ANKRD11: variants seen among roughly 807,000 people sequenced by gnomAD.
ANKRD11 encodes ankyrin repeat domain 11, also known as ankyrin repeat domain-containing protein 11.
ANKRD11 carries 17 observed loss-of-function variants against 195.7 expected under a neutral mutation model. The observed-to-expected ratio is 0.09, with a 90% CI of 0.06 to 0.13. The LOEUF is 0.13. ANKRD11 is among the 10% of genes least tolerant of loss of function. ANKRD11 has a pLI of 1.00. For synonymous variants in ANKRD11, 1,953 were observed against 1,528.1 expected (o/e 1.28, Z -6.49); for missense variants, 3,735 against 3,566.1 (o/e 1.05, Z -1.21).
chr16:89,322,870 A>G (rs764666441), intron 2 of ANKRD11, among the ~76,000 whole-genome samples: 1 of 152,024 alleles, frequency 6.6e-6, no homozygotes, highest in Non-Finnish European at 1.5e-5. Context: ...TGTTTGTTTG[A>G]GACAGCTGTG....
At chr16:89,417,206 G>C (rs897000313) in intron 2 of ANKRD11, among the ~76,000 whole-genome samples, 2 of 152,192 alleles carry the variant, frequency 1.3e-5, no homozygotes, top group African/African-American at 4.8e-5. Context: ...ACTGAGATAA[G>C]GAACAGATAC....
chr16:89,339,270 T>C (rs1461931824), intron 2 of ANKRD11, among the ~76,000 whole-genome samples: 3 of 152,208 alleles, frequency 2.0e-5, no homozygotes, highest in Middle Eastern at 3.2e-3. Context: ...CATTAGGCAA[T>C]AGAACGACCT....
At chr16:89,454,239 C>T (rs564897123) in intron 1 of ANKRD11, among the ~76,000 whole-genome samples, 1 of 152,136 alleles carries the variant, frequency 6.6e-6, no homozygotes, top group East Asian at 1.9e-4. Context: ...CTGTAGCTTA[C>T]AGACCAAGGC....
At chr16:89,440,511 G>T (rs951009575) in intron 1 of ANKRD11, among the ~76,000 whole-genome samples, 5 of 152,172 alleles carry the variant, frequency 3.3e-5, no homozygotes, top group Non-Finnish European at 7.3e-5. Flanking sequence ...AGGCACTCAG[G>T]AGGCTGAGGT....
At chr16:89,430,683 C>T (rs2042940809) in intron 1 of ANKRD11, among the ~76,000 whole-genome samples, 1 of 152,268 alleles carries the variant, frequency 6.6e-6, no homozygotes, top group Admixed American at 6.5e-5. Context: ...ACTGCAGGCT[C>T]TGTCCCCGCC....
chr16:89,345,955 C>T (rs1444523592), intron 2 of ANKRD11, among the ~76,000 whole-genome samples: 3 of 152,064 alleles, frequency 2.0e-5, no homozygotes, highest in African/African-American at 7.2e-5. Flanking sequence ...CAAGAATCAA[C>T]AGAACAGGCC....
chr16:89,317,422 C>T (rs1042868746), intron 2 of ANKRD11, among the ~76,000 whole-genome samples: 2 of 152,186 alleles, frequency 1.3e-5, no homozygotes, highest in Non-Finnish European at 2.9e-5. Context: ...ACACCCAAAA[C>T]GGTCAGGCAC....
chr16:89,383,088 C>T (rs2040733841), intron 2 of ANKRD11, among the ~76,000 whole-genome samples: 1 of 152,172 alleles, frequency 6.6e-6, no homozygotes. Flanking sequence ...ACTTTCACAC[C>T]ACTGTAATAT....
chr16:89,317,096 C>G lies in ANKRD11; in HGVS notation c.-59-18G>C. 1 of 1,465,382 alleles carries G rather than the reference C, an allele frequency of 6.8e-7. No individual in the cohort carries two copies. The highest frequency in any genetic ancestry group is 2.4e-5 in the East Asian group (1 of 41,276). The allele number at this position is 1,465,382 out of a possible 1,614,324, so 90.8% of individuals were successfully genotyped here. A position where few individuals can be genotyped will look rare whatever the true frequency, so the allele number is the denominator to read the frequency against. ...ACCGTCTGCTTCAAAAGAGAAGACA[C>G]ACAATTCACTGAATTCAGAGGCAGC... On this transcript the variant is annotated intron_variant, in intron 2 of 12. Coordinates refer to ENST00000301030, the MANE Select transcript of ANKRD11 (RefSeq NM_013275.6).
intron 2 of ANKRD11, among the ~76,000 whole-genome samples, chr16:89,371,715 C>T (rs2040201453): frequency 6.6e-6 from 1 of 151,564 alleles, no homozygotes; most frequent in African/African-American, 2.4e-5. Flanking sequence ...GAGGTGGTCT[C>T]GGGTGTGGAG....
chr16:89,432,432 G>C (rs1237870542), intron 1 of ANKRD11, among the ~76,000 whole-genome samples: 1 of 152,038 alleles, frequency 6.6e-6, no homozygotes, highest in Non-Finnish European at 1.5e-5. Context: ...CTGTGTTGAG[G>C]GGTGCTGTCT....
intron 2 of ANKRD11, among the ~76,000 whole-genome samples, chr16:89,371,222 T>C (rs72803350): frequency 1.2e-4 from 19 of 152,246 alleles, no homozygotes; most frequent in Non-Finnish European, 2.5e-4. Flanking sequence ...CCCAACACTT[T>C]CGCAAATACT....
chr16:89,435,268 T>C (rs2043164193), intron 1 of ANKRD11, among the ~76,000 whole-genome samples: 2 of 152,138 alleles, frequency 1.3e-5, no homozygotes, highest in Admixed American at 1.3e-4. Context: ...ATCAGCACTC[T>C]GTAAAATGGC....
chr16:89,333,992 T>C (rs1345759840), intron 2 of ANKRD11, among the ~76,000 whole-genome samples: 1 of 151,940 alleles, frequency 6.6e-6, no homozygotes. Flanking sequence ...TGTGGTCAGA[T>C]ATATCTAAGT....
rs202005025 is a variant in ANKRD11 at position 89,279,213 on chromosome 16, C to T, written c.7329G>A (p.Gln2443=). ...DRANPYFEYL[Q]IRKKIEEKRK... ...GCTTCTCCTCGATCTTCTTCCTGAT[C>T]TGCAGGTATTCGAAGTAGGGGTTGG... Residue 2443 remains glutamine (Q), a synonymous_variant, in exon 9 of 13, where the codon CAG becomes CAA. Transcript: ENST00000301030. This position sits in a 1 kb window ranked among gnomAD's most constrained non-coding sequence, Gnocchi z 5.6. 6.2e-7 allele frequency: 1 copy of T among 1,612,306 alleles called. No homozygotes were observed. Among genetic ancestry groups the T allele is most frequent in the African/African-American group, 1.3e-5 (1 of 74,992 alleles).
chr16:89,488,328 G>A (rs965598298), intron 1 of ANKRD11, among the ~76,000 whole-genome samples: 1 of 151,884 alleles, frequency 6.6e-6, no homozygotes, highest in African/African-American at 2.4e-5. Context: ...CCTGCTCTTC[G>A]GGGAGAAACT....
intron 2 of ANKRD11, among the ~76,000 whole-genome samples, chr16:89,348,758 C>T (rs1415104551): frequency 6.6e-6 from 1 of 151,862 alleles, no homozygotes; most frequent in African/African-American, 2.4e-5. Flanking sequence ...CCTTATTGTA[C>T]TTTGAATGGC....
intron 1 of ANKRD11, among the ~76,000 whole-genome samples, chr16:89,443,920 T>C (rs2043653686): frequency 6.6e-6 from 1 of 152,114 alleles, no homozygotes; most frequent in Non-Finnish European, 1.5e-5. Flanking sequence ...ACAGCTGCCG[T>C]GCCGGGCCGG....
chr16:89,273,789 G>C (rs570714137), intron 11 of ANKRD11, among the ~76,000 whole-genome samples: 144 of 152,306 alleles, frequency 9.5e-4, no homozygotes, highest in Admixed American at 2.1e-3. Flanking sequence ...AATGCACAAA[G>C]AGATGTTTTC....
Sources: gnomAD v4.1 joint callset for allele counts (sites outside exome capture counted in the v4.1 genomes callset) on GRCh38, gnomAD v4.1.1 for gene constraint, Gnocchi (gnomAD v3.1) non-coding constraint, MANE v1.5 for transcripts, NCBI Gene and HGNC (gene_info 2026-07-23, HGNC 2026-07-21) for gene names.